Variants in EHBP1 observed in about 807,000 individuals in gnomAD.
EHBP1 encodes EH domain binding protein 1.
A neutral mutation model predicts 144.0 loss-of-function variants in EHBP1; 55 were observed. The ratio of observed to expected loss-of-function variants is 0.38; its 90% CI spans 0.31 to 0.48. The LOEUF is 0.48. Among genes scored for constraint, EHBP1 ranks in the 20% least tolerant of loss-of-function variants. The probability of loss-of-function intolerance (pLI) is 0.98; values close to 1 mark genes in which losing one functional copy is unlikely to be tolerated. For synonymous variants in EHBP1, 469 were observed against 472.7 expected (o/e 0.99, Z 0.10); for missense variants, 1,200 against 1,364.2 (o/e 0.88, Z 1.90).
At chr2:62,845,036 A>G (rs2048192226) in intron 7 of EHBP1, among the ~76,000 whole-genome samples, 1 of 152,138 alleles carries the variant, frequency 6.6e-6, no homozygotes, top group East Asian at 1.9e-4. Context: ...TCAGATAGTT[A>G]GGAGCAGGGA....
At chr2:62,729,533 AT>A (rs1452147573) in intron 2 of EHBP1, among the ~76,000 whole-genome samples, 7 of 121,572 alleles carry the variant, frequency 5.8e-5, no homozygotes, top group African/African-American at 9.7e-5. Flanking sequence ...AATATAATAT[AT>A]ATAATATATA....
intron 15 of EHBP1, among the ~76,000 whole-genome samples, chr2:62,981,685 G>A (rs2058978978): frequency 6.6e-6 from 1 of 152,074 alleles, no homozygotes; most frequent in South Asian, 2.1e-4. Flanking sequence ...TGGTAATGAG[G>A]GACAGTAAAG....
At chr2:62,711,900 G>C (rs1052338676) in intron 2 of EHBP1, among the ~76,000 whole-genome samples, 3 of 152,172 alleles carry the variant, frequency 2.0e-5, no homozygotes, top group Non-Finnish European at 4.4e-5. Context: ...TGGAGATGAA[G>C]ACTTGATTAA....
chr2:62,874,529 T>C lies in EHBP1; in HGVS notation c.1182T>C (p.Pro394=). 1 of 1,591,422 alleles carries C rather than the reference T, an allele frequency of 6.3e-7. No individual in the cohort carries two copies. Among genetic ancestry groups the C allele is most frequent in the African/African-American group, 1.4e-5 (1 of 73,726 alleles). ...CAGGAAAAGATCTCTCTACTTCTCC[T>C]AAGGTAGGATTTTATTCATAGTAAA... The part of the protein sequence containing the change: ...VSAGKDLSTS[P]KPSPIPSPVL... Residue 394 remains proline, a synonymous_variant, in exon 10 of 23, where the codon CCT becomes CCC. Coordinates refer to ENST00000431489, the MANE Select transcript of EHBP1 (RefSeq NM_001142616.3).
chr2:62,770,141 A>C (rs2041544148), intron 4 of EHBP1, among the ~76,000 whole-genome samples: 1 of 152,218 alleles, frequency 6.6e-6, no homozygotes, highest in Non-Finnish European at 1.5e-5. Flanking sequence ...ACCAAAAGCA[A>C]TTACAACAAA....
intron 19 of EHBP1, among the ~76,000 whole-genome samples, chr2:63,016,549 G>T (rs1209846084): frequency 6.6e-6 from 1 of 151,786 alleles, no homozygotes; most frequent in Non-Finnish European, 1.5e-5. Flanking sequence ...TCCCACCTCA[G>T]CCCCCCGAGT....
chr2:62,794,133 G>A (rs188003933), intron 5 of EHBP1, among the ~76,000 whole-genome samples: 1 of 152,074 alleles, frequency 6.6e-6, no homozygotes, highest in East Asian at 1.9e-4. Context: ...TTTCTTTAGT[G>A]GCTGGTTTCT....
intron 15 of EHBP1, among the ~76,000 whole-genome samples, chr2:62,985,864 C>T (rs924759254): frequency 1.3e-5 from 2 of 152,180 alleles, no homozygotes; most frequent in African/African-American, 4.8e-5. Context: ...CAGTAACCCC[C>T]ACCATACATG....
At chr2:62,757,900 T>C (rs1397356748) in intron 3 of EHBP1, among the ~76,000 whole-genome samples, 1 of 151,998 alleles carries the variant, frequency 6.6e-6, no homozygotes, top group African/African-American at 2.4e-5. Context: ...TAGTCCCTGC[T>C]ACTCGGGAGG....
intron 14 of EHBP1, among the ~76,000 whole-genome samples, chr2:62,971,628 G>A (rs928368305): frequency 1.3e-5 from 2 of 152,144 alleles, no homozygotes; most frequent in African/African-American, 2.4e-5. Context: ...CCATTTACAA[G>A]ATATATGACC....
At chr2:63,044,688 C>G (rs915739001) in intron 21 of EHBP1, 1 of 162,372 alleles carries the variant, frequency 6.2e-6, no homozygotes, top group Non-Finnish European at 1.3e-5. Context: ...TCGCCCATCA[C>G]TGTTTCCCGC....
At chr2:62,863,131 A>G (rs1235738036) in intron 8 of EHBP1, among the ~76,000 whole-genome samples, 1 of 152,052 alleles carries the variant, frequency 6.6e-6, no homozygotes, top group African/African-American at 2.4e-5. Context: ...AAAAATACAA[A>G]AATTAGCCAG....
At chr2:62,739,465 G>C (rs1157236522) in intron 2 of EHBP1, among the ~76,000 whole-genome samples, 1 of 151,204 alleles carries the variant, frequency 6.6e-6, no homozygotes, top group Non-Finnish European at 1.5e-5. Flanking sequence ...TTGTTTTAGT[G>C]ACATGTGAGG....
At chr2:63,033,840 G>T (rs1215018207) in intron 19 of EHBP1, among the ~76,000 whole-genome samples, 7 of 152,078 alleles carry the variant, frequency 4.6e-5, no homozygotes, top group African/African-American at 1.7e-4. Context: ...ACTGACTATT[G>T]CATGTACTGC....
intron 8 of EHBP1, among the ~76,000 whole-genome samples, chr2:62,861,286 T>C (rs887430830): frequency 1.3e-5 from 2 of 151,492 alleles, no homozygotes; most frequent in Non-Finnish European, 2.9e-5. Flanking sequence ...CGTGCCACCA[T>C]GCCCAGTTAA....
chr2:62,948,249 T>C lies in EHBP1; in HGVS notation c.1414-11T>C. On this transcript the variant is annotated splice_polypyrimidine_tract_variant and intron_variant, in intron 12 of 22. Transcript: ENST00000431489. ...TGTTCAATATATCTTTTGTTTTTCC[T>C]TCCTTTGAAGGCATACGATGGATTT... 2 of 1,527,578 alleles carry C rather than the reference T, an allele frequency of 1.3e-6. No homozygotes were observed. Among genetic ancestry groups the C allele is most frequent in the South Asian group, 1.3e-5 (1 of 76,738 alleles). 94.6% of individuals were successfully genotyped at this position (1,527,578 alleles called of 1,614,324 possible). A position where few individuals can be genotyped will look rare whatever the true frequency, so the allele number is the denominator to read the frequency against.
rs1553515650 is a variant in EHBP1 at position 63,019,825 on chromosome 2, G to GAGGA, written c.3104-17710_3104-17709insAGGA. On this transcript the variant is annotated intron_variant, in intron 19 of 22. Transcript: ENST00000431489. ...AAGGAAAGGATAGGGAAGGGAAGAG[G>GAGGA]GGGAGGGAAGGAAGGAAGGAAGGAA... is the stretch of plus-strand genomic sequence containing the variant. Among the ~76,000 whole-genome samples the GAGGA allele has an allele frequency of 4.3e-3, 264 of 61,632 alleles. 11 individuals carry two copies. The highest frequency in any genetic ancestry group is 0.011 in the Admixed American group (63 of 5,862). The allele number at this position is 61,632 out of a possible 152,430, so 40.4% of individuals were successfully genotyped here. A position where few individuals can be genotyped will look rare whatever the true frequency, so the allele number is the denominator to read the frequency against.
intron 3 of EHBP1, among the ~76,000 whole-genome samples, chr2:62,752,372 A>G (rs1281048208): frequency 1.3e-5 from 2 of 152,102 alleles, no homozygotes; most frequent in African/African-American, 4.8e-5. Context: ...GTTCTTTTAC[A>G]TTTGCTGAGG....
intron 19 of EHBP1, among the ~76,000 whole-genome samples, chr2:63,001,690 A>C (rs1441237207): frequency 6.6e-6 from 1 of 152,136 alleles, no homozygotes; most frequent in Non-Finnish European, 1.5e-5. Context: ...AGATGAGGAA[A>C]CTGAGGCCTA....
Sources: gnomAD v4.1 joint callset for allele counts (sites outside exome capture counted in the v4.1 genomes callset) on GRCh38, gnomAD v4.1.1 for gene constraint, MANE v1.5 for transcripts, NCBI Gene and HGNC (gene_info 2026-07-23, HGNC 2026-07-21) for gene names.